CELSR2: variants seen among roughly 807,000 people sequenced by gnomAD.
CELSR2 encodes cadherin EGF LAG seven-pass G-type receptor 2.
CELSR2 carries 81 observed loss-of-function variants against 251.6 expected under a neutral mutation model. The ratio of observed to expected loss-of-function variants is 0.32; its 90% CI spans 0.27 to 0.39. The LOEUF (loss-of-function observed/expected upper bound fraction) is 0.39, where lower values mean the gene tolerates loss of function less well. Ranked by LOEUF, CELSR2 falls within the 10% of genes least tolerant of loss-of-function variation. CELSR2 has a pLI of 1.00. For synonymous variants in CELSR2, 1,721 were observed against 1,670.5 expected, an observed-to-expected ratio of 1.03 and a Z score of -0.74; for missense variants, 3,365 against 3,947.7, an observed-to-expected ratio of 0.85 and a Z score of 3.96.
chr1:109,266,815 G>C (rs1656209595), intron 15 of CELSR2, among the ~76,000 whole-genome samples: 1 of 150,798 alleles, frequency 6.6e-6, no homozygotes, highest in African/African-American at 2.4e-5. Context: ...CACCTCACAG[G>C]TTCAAGCGAT....
chr1:109,268,383 G>A (rs928124958), intron 17 of CELSR2, among the ~76,000 whole-genome samples, 198 bp from the exon 18 acceptor site: 1 of 152,230 alleles, frequency 6.6e-6, no homozygotes, highest in Non-Finnish European at 1.5e-5. Flanking sequence ...AGAGAATGAG[G>A]AGGAGGGCTT....
Position 109,251,743 on chromosome 1 carries a change from T to C in CELSR2, c.1664T>C (p.Ile555Thr). 6.2e-7 allele frequency: 1 copy of C among 1,614,014 alleles called. No individual in the cohort carries two copies. Among genetic ancestry groups the C allele is most frequent in the Non-Finnish European group, 8.5e-7 (1 of 1,180,004 alleles). ...AGVGHDFPFT[I>T]NNGTGWISVA... ...GTGGGACATGACTTCCCCTTCACCA[T>C]CAACAATGGCACAGGCTGGATCTCT... The change falls in exon 1 of 34, where the codon ATC becomes ACC. Residue 555 changes from isoleucine to threonine, a missense_variant. This residue lies in a region of CELSR2 where 704 missense variants were observed against 784.1 expected (regional missense o/e 0.90). Transcript: ENST00000271332. The surrounding 1 kb of genome is among the most constrained non-coding windows in gnomAD (Gnocchi z 4.9).
rs761244750 is a variant in CELSR2, at chr1:109,264,624, T to G, written c.5460T>G (p.Asp1820Glu). 1 of 1,611,080 alleles carries G rather than the reference T, an allele frequency of 6.2e-7. No individual in the cohort carries two copies. The highest frequency in any genetic ancestry group is 1.1e-5 in the South Asian group (1 of 91,050). The change falls in exon 11 of 34, where the codon GAT (aspartate) becomes GAG (glutamate). Residue 1820 changes from aspartate (D) to glutamate (E), a missense_variant. Asp to Glu is a conservative substitution (Grantham distance 45). Coordinates refer to ENST00000271332, the MANE Select transcript of CELSR2 (RefSeq NM_001408.3). ...NDWDSYSCSCDPGYYGDNCTN... is the reference protein window; with the variant it reads ...NDWDSYSCSCEPGYYGDNCTN... ...GGGACAGCTATTCCTGCAGCTGTGA[T>G]CCAGGTATGCTAAGGATCCAGGGCA...
chr1:109,272,792 G>T (rs972929663), intron 30 of CELSR2, 41 bp from the exon 31 acceptor site: 1 of 1,612,870 alleles, frequency 6.2e-7, no homozygotes, highest in South Asian at 1.1e-5. Context: ...AAGGTGGGTG[G>T]AGGTGGCTGG....
rs1655627934 is a variant in CELSR2, at chr1:109,249,950, C to T, written c.-130C>T. 1.1e-6 allele frequency: 1 copy of T among 885,636 alleles called. No individual in the cohort carries two copies. The allele number at this position is 885,636 out of a possible 1,614,324, so 54.9% of individuals were successfully genotyped here. A position where few individuals can be genotyped will look rare whatever the true frequency, so the allele number is the denominator to read the frequency against. On this transcript the variant is annotated 5_prime_UTR_variant, in exon 1 of 34. Coordinates refer to ENST00000271332, the MANE Select transcript of CELSR2 (RefSeq NM_001408.3). ...CCGCCGAGCCATCCAGACGCAGGCC[C>T]CGCGGGGCGCACGGGAGGCCCCCGG... is the stretch of plus-strand genomic sequence containing the variant.
chr1:109,267,949 C>T lies in CELSR2; in HGVS notation c.6207C>T (p.Tyr2069=). The change falls in exon 17 of 34, where the codon TAC becomes TAT. Residue 2069 remains tyrosine (Y), a synonymous_variant. Transcript: ENST00000271332. ...LRNATQHTAG[Y]FGSDVKVAYQ... ...ACGCCACGCAGCACACAGCTGGCTACTTCGGCAGCGACGTCAAGGTGGCCT... is the reference window on the plus strand; with the variant it reads ...ACGCCACGCAGCACACAGCTGGCTATTTCGGCAGCGACGTCAAGGTGGCCT... 6.2e-7 allele frequency: 1 copy of T among 1,611,850 alleles called. No homozygotes were observed. The highest frequency in any genetic ancestry group is 8.5e-7 in the Non-Finnish European group (1 of 1,179,832).
Position 109,253,028 on chromosome 1 carries a change from C to G in CELSR2, c.2949C>G (p.Asp983Glu). The G allele has an allele frequency of 6.2e-7, 1 of 1,613,606 alleles. No individual in the cohort carries two copies. The highest frequency in any genetic ancestry group is 8.5e-7 in the Non-Finnish European group (1 of 1,179,944). ...CCGGGGAGCTGACAGCCCTGGTAGA[C>G]TTAGACTACGAGGACCGGCCTGAGT... ...IFSGELTALV[D>E]LDYEDRPEYV... Residue 983 changes from aspartate to glutamate, a missense_variant, in exon 1 of 34, where the codon GAC (aspartate) becomes GAG (glutamate). Coordinates refer to ENST00000271332, the MANE Select transcript of CELSR2 (RefSeq NM_001408.3).
Position 109,273,583 on chromosome 1 carries a change from A to G in CELSR2, c.8657A>G (p.Gln2886Arg). ...CCCCCTCCCCGCCCACCGCCCCGGC[A>G]GAGCCTCCAGGAGCAGCTGAACGGG... ...GGPPPRPPPR[Q>R]SLQEQLNGVM... is the part of the protein sequence containing the mutation. The change falls in exon 33 of 34, where the codon CAG (glutamine) becomes CGG (arginine). Residue 2886 changes from glutamine (Q) to arginine (R), a missense_variant. By Grantham distance (43) the Gln-to-Arg change is conservative. Around this residue, in one of 5 missense-constraint regions of CELSR2, gnomAD observed 2,093 missense variants for 2,382.8 expected, o/e 0.88. Transcript: ENST00000271332. The G allele has an allele frequency of 6.4e-7, 1 of 1,560,014 alleles. No individual in the cohort carries two copies. Among genetic ancestry groups the G allele is most frequent in the African/African-American group, 1.4e-5 (1 of 73,328 alleles).
Position 109,269,510 on chromosome 1 carries a change from A to G in CELSR2, c.6899A>G (p.Lys2300Arg). The change falls in exon 21 of 34, where the codon AAA becomes AGA. Residue 2300 changes from lysine to arginine, a missense_variant. By Grantham distance (26) the Lys-to-Arg change is conservative (BLOSUM62 2). Transcript: ENST00000271332. This position sits in a 1 kb window ranked among gnomAD's most constrained non-coding sequence, Gnocchi z 6.4. ...DEELLPRALD[K>R]PVTVQFRLLE... ...GAGCTTCTGCCCCGGGCCCTGGACA[A>G]ACCCGTCACGGTGCAGTTCCGCCTG... 1 of 1,614,140 alleles carries G rather than the reference A, an allele frequency of 6.2e-7. No individual in the cohort carries two copies. The highest frequency in any genetic ancestry group is 8.5e-7 in the Non-Finnish European group (1 of 1,180,038).
intron 1 of CELSR2, among the ~76,000 whole-genome samples, 176 bp downstream of exon 1, chr1:109,253,565 C>T (rs1000704794): frequency 7.2e-5 from 11 of 152,220 alleles, no homozygotes; most frequent in Admixed American, 4.6e-4. Context: ...GGAACCCTGG[C>T]GGCTGGTGCA....
chr1:109,251,270 C>G lies in CELSR2; in HGVS notation c.1191C>G (p.Pro397=). The change falls in exon 1 of 34, where the codon CCC becomes CCG. Residue 397 remains proline, a synonymous_variant. Coordinates refer to ENST00000271332, the MANE Select transcript of CELSR2 (RefSeq NM_001408.3). The surrounding 1 kb of genome is among the most constrained non-coding windows in gnomAD (Gnocchi z 4.9). ...LSVEDDNDNA[P]QFSEKRYVVQ... ...TGGAGGATGACAATGATAATGCCCC[C>G]CAGTTTAGTGAGAAGCGCTATGTGG... is the stretch of plus-strand genomic sequence containing the variant. 1.2e-6 allele frequency: 2 copies of G among 1,614,144 alleles called. No homozygotes were observed. The highest frequency in any genetic ancestry group is 1.6e-4 in the Middle Eastern group (1 of 6,062).
chr1:109,274,305 T>G lies in CELSR2; in HGVS notation c.*256T>G. 4.0e-6 allele frequency: 3 copies of G among 755,994 alleles called. No homozygotes were observed. The highest frequency in any genetic ancestry group is 2.9e-5 in the East Asian group (1 of 34,668). The allele number at this position is 755,994 out of a possible 1,614,324, so 46.8% of individuals were successfully genotyped here. ...GGGGCCAACATCTCCAAGACAAAGT[T>G]TTTCAGAAAAGAGGAAAAAAAGAAT... On this transcript the variant is annotated 3_prime_UTR_variant, in exon 34 of 34. Transcript: ENST00000271332.
In CELSR2 at chr1:109,268,673, G is replaced by C. The variant is rs758892034; in HGVS notation, c.6411G>C (p.Leu2137=). The C allele has an allele frequency of 6.2e-7, 1 of 1,614,096 alleles. No individual in the cohort carries two copies. Among genetic ancestry groups the C allele is most frequent in the Non-Finnish European group, 8.5e-7 (1 of 1,179,992 alleles). ...IQQTEGGTAW[L]LQHYEAYASA... Reference sequence around the variant, plus strand: ...AGACAGAGGGTGGCACCGCCTGGCTGCTCCAGCACTATGAGGCCTACGCCA... The same window carrying C: ...AGACAGAGGGTGGCACCGCCTGGCTCCTCCAGCACTATGAGGCCTACGCCA... The change falls in exon 18 of 34, where the codon CTG becomes CTC. Residue 2137 remains leucine, a synonymous_variant. Coordinates refer to ENST00000271332, the MANE Select transcript of CELSR2 (RefSeq NM_001408.3).
Position 109,249,567 on chromosome 1 carries a change from G to A in CELSR2, c.-513G>A, listed in dbSNP as rs1468151653. On this transcript the variant is annotated 5_prime_UTR_variant, in exon 1 of 34. Transcript: ENST00000271332. ...GAGCTCGCCCGCCCGCCGGGGAGGC[G>A]AGGGAGCGCGGGGCTGGGCCCGGGG... 1.2e-4 allele frequency among the ~76,000 whole-genome samples: 18 copies of A among 150,234 alleles called. No individual in the cohort carries two copies. In the South Asian group the frequency reaches 2.9e-3, roughly 24 times the overall value.
intron 31 of CELSR2, 32 bp from the exon 32 acceptor site, chr1:109,273,134 T>C: frequency 1.2e-6 from 2 of 1,607,030 alleles, no homozygotes; most frequent in Non-Finnish European, 1.7e-6. Context: ...ATCTGCCCTC[T>C]GTGGGCCTCA....
rs370616613 is a variant in CELSR2, at chr1:109,252,651, G to A, written c.2572G>A (p.Asp858Asn). Residue 858 changes from aspartate (D) to asparagine (N), a missense_variant, in exon 1 of 34, where the codon GAC (aspartate) becomes AAC (asparagine). Around this residue, in one of 5 missense-constraint regions of CELSR2, gnomAD observed 505 missense variants for 660.0 expected, o/e 0.77. Transcript: ENST00000271332. This position sits in a 1 kb window ranked among gnomAD's most constrained non-coding sequence, Gnocchi z 4.8. ...GGTCTTCTACACCTTCCAAGGAGGC[G>A]ACGATGGAGACGGTGACTTTATTGT... ...GRVFYTFQGG[D>N]DGDGDFIVES... is the part of the protein sequence containing the mutation. 2.4e-5 allele frequency: 38 copies of A among 1,613,756 alleles called. No individual in the cohort carries two copies. In the Middle Eastern group the frequency reaches 1.8e-3, roughly 77 times the overall value.
At position 109,250,841 on chromosome 1, in the gene CELSR2, C is replaced by A. The variant is rs1655666457; in HGVS notation, c.762C>A (p.Thr254=). The stretch of plus-strand genomic sequence containing the variant: ...AGCTGGATCGTGAGACCAAGAGCAC[C>A]CACGTCTTCAGGGTCACGGCGCAGG... The part of the protein sequence containing the change: ...AEELDRETKS[T]HVFRVTAQDH... Residue 254 remains threonine, a synonymous_variant, in exon 1 of 34, where the codon ACC becomes ACA. Coordinates refer to ENST00000271332, the MANE Select transcript of CELSR2 (RefSeq NM_001408.3). This position sits in a 1 kb window ranked among gnomAD's most constrained non-coding sequence, Gnocchi z 4.4. 6.2e-7 allele frequency: 1 copy of A among 1,613,906 alleles called. No homozygotes were observed. The highest frequency in any genetic ancestry group is 1.3e-5 in the African/African-American group (1 of 74,936).
chr1:109,261,289 G>C lies in CELSR2; in HGVS notation c.4181+25G>C. 1 of 1,604,660 alleles carries C rather than the reference G, an allele frequency of 6.2e-7. No individual in the cohort carries two copies. Among genetic ancestry groups the C allele is most frequent in the Middle Eastern group, 1.9e-4 (1 of 5,174 alleles). ...CGTGAGTGGCTGGGCACTGGGGGTG[G>C]GGAGTGGGCCTGGTGGGCATCTGAG... is the stretch of plus-strand genomic sequence containing the variant. On this transcript the variant is annotated intron_variant, in intron 3 of 33. Coordinates refer to ENST00000271332, the MANE Select transcript of CELSR2 (RefSeq NM_001408.3). The surrounding 1 kb of genome is among the most constrained non-coding windows in gnomAD (Gnocchi z 4.8).
Position 109,252,595 on chromosome 1 carries a change from C to T in CELSR2, c.2516C>T (p.Ala839Val). The T allele has an allele frequency of 6.2e-7, 1 of 1,613,926 alleles. No homozygotes were observed. The highest frequency in any genetic ancestry group is 2.2e-5 in the East Asian group (1 of 44,892). ...PPFTSVLQIS[A>V]TDRDSGLNGR... ...TTCACTAGCGTCCTGCAGATCTCAG[C>T]CACTGATCGTGATTCTGGACTTAAT... Residue 839 changes from alanine to valine, a missense_variant, in exon 1 of 34, where the codon GCC (alanine) becomes GTC (valine). By Grantham distance (64) the Ala-to-Val change is moderately conservative. Around this residue, in one of 5 missense-constraint regions of CELSR2, gnomAD observed 505 missense variants for 660.0 expected, o/e 0.77. Coordinates refer to ENST00000271332, the MANE Select transcript of CELSR2 (RefSeq NM_001408.3). This position sits in a 1 kb window ranked among gnomAD's most constrained non-coding sequence, Gnocchi z 4.8.
Sources: gnomAD v4.1 joint callset for allele counts (sites outside exome capture counted in the v4.1 genomes callset) on GRCh38, gnomAD v4.1.1 for gene constraint, gnomAD v4.1.1 regional missense constraint, Gnocchi (gnomAD v3.1) non-coding constraint, MANE v1.5 for transcripts, NCBI Gene and HGNC (gene_info 2026-07-23, HGNC 2026-07-21) for gene names.